Variants in C8orf34 observed in about 807,000 individuals in gnomAD.
C8orf34 encodes uncharacterized protein C8orf34.
In C8orf34, 65 loss-of-function variants were observed where a neutral mutation model predicts 68.3. That is an observed-to-expected ratio of 0.95 (90% CI 0.78 to 1.17). The LOEUF is 1.17. Ranked by LOEUF, C8orf34 falls within the 50% of genes most tolerant of loss-of-function variation. C8orf34 has a pLI of 0.00. For missense variants in C8orf34, 664 were observed against 655.4 expected (o/e 1.01, Z -0.14); for synonymous variants, 244 against 241.2 (o/e 1.01, Z -0.11).
At chr8:68,725,483 G>A (rs1000940844) in intron 10 of C8orf34, among the ~76,000 whole-genome samples, 3 of 152,214 alleles carry the variant, frequency 2.0e-5, no homozygotes, top group Non-Finnish European at 4.4e-5. Context: ...TCCTCCTGGA[G>A]AGTTTTATCT....
At chr8:68,632,948 C>A (rs1267170357) in intron 7 of C8orf34, among the ~76,000 whole-genome samples, 1 of 152,176 alleles carries the variant, frequency 6.6e-6, no homozygotes, top group Non-Finnish European at 1.5e-5. Flanking sequence ...TCAAGGAGAA[C>A]CTCTGCTACA....
chr8:68,505,327 G>C (rs1813960932), intron 5 of C8orf34, among the ~76,000 whole-genome samples: 1 of 152,086 alleles, frequency 6.6e-6, no homozygotes, highest in African/African-American at 2.4e-5. Context: ...ATTATTACTT[G>C]AATTTTGTAT....
chr8:68,641,214 C>T (rs562142795), intron 8 of C8orf34, among the ~76,000 whole-genome samples: 4 of 152,324 alleles, frequency 2.6e-5, no homozygotes, highest in African/African-American at 7.2e-5. Context: ...CCAATTTTAT[C>T]TCCTTTTCTT....
At chr8:68,571,950 CAT>C (rs1325372227) in intron 7 of C8orf34, among the ~76,000 whole-genome samples, 1 of 152,072 alleles carries the variant, frequency 6.6e-6, no homozygotes. Flanking sequence ...ATGCAAATAT[CAT>C]AGAGTGTACT....
intron 7 of C8orf34, among the ~76,000 whole-genome samples, chr8:68,623,715 C>CT (rs932912603): frequency 2.6e-5 from 4 of 151,336 alleles, no homozygotes; most frequent in Non-Finnish European, 4.4e-5. Flanking sequence ...GGACCACTGT[C>CT]TTTTTTTTTA....
rs1820314123 is a variant in C8orf34 at position 68,679,865 on chromosome 8, C to A, written c.1242-29129C>A. ...TTTTCAATAAATGGTGCTGGGAAAA[C>A]TGGATATCTACATTCAGAAGAATGA... is the stretch of plus-strand genomic sequence containing the variant. On this transcript the variant is annotated intron_variant, in intron 8 of 13. Coordinates refer to ENST00000518698, the MANE Select transcript of C8orf34 (RefSeq NM_052958.4). Among the ~76,000 whole-genome samples, 3 of 152,132 alleles carry A rather than the reference C, an allele frequency of 2.0e-5. No individual in the cohort carries two copies. In the South Asian group the frequency reaches 6.2e-4, roughly 32 times the overall value.
chr8:68,560,253 A>G lies in C8orf34; in HGVS notation c.1105+27104A>G, dbSNP rs574352197. Among the ~76,000 whole-genome samples, 4 of 151,464 alleles carry G rather than the reference A, an allele frequency of 2.6e-5. No homozygotes were observed. The East Asian group carries it at 7.8e-4, about 29-fold the overall frequency. On this transcript the variant is annotated intron_variant, in intron 7 of 13. Transcript: ENST00000518698. The stretch of plus-strand genomic sequence containing the variant: ...GAGAGACAGTTCACACACATGCAGT[A>G]GGGAAAGAAGGAGGAGTTTTCATTT...
chr8:68,501,844 A>C (rs1813785404), intron 5 of C8orf34, among the ~76,000 whole-genome samples: 1 of 152,210 alleles, frequency 6.6e-6, no homozygotes, highest in African/African-American at 2.4e-5. Context: ...GTATGCCCAT[A>C]GCCAGAGCTA....
At chr8:68,800,155 A>T (rs1824289418) in intron 12 of C8orf34, among the ~76,000 whole-genome samples, 1 of 152,220 alleles carries the variant, frequency 6.6e-6, no homozygotes, top group Non-Finnish European at 1.5e-5. Flanking sequence ...ACCTTTGCAT[A>T]GGGAAGAACT....
intron 4 of C8orf34, among the ~76,000 whole-genome samples, chr8:68,472,132 T>C (rs1812405471): frequency 6.6e-6 from 1 of 152,122 alleles, no homozygotes; most frequent in Non-Finnish European, 1.5e-5. Flanking sequence ...ATGATATTGC[T>C]CTCTTGGAAA....
intron 8 of C8orf34, among the ~76,000 whole-genome samples, chr8:68,699,078 C>G (rs1259310434): frequency 6.6e-6 from 1 of 151,868 alleles, no homozygotes; most frequent in Admixed American, 6.6e-5. Context: ...AATTCTTGGG[C>G]TCTACTTCAG....
chr8:68,523,977 A>T (rs546131511), intron 6 of C8orf34, among the ~76,000 whole-genome samples: 2 of 152,294 alleles, frequency 1.3e-5, no homozygotes, highest in East Asian at 3.9e-4. Context: ...GTCGTTTGAC[A>T]TCTGTTACAT....
intron 12 of C8orf34, among the ~76,000 whole-genome samples, chr8:68,793,274 C>G (rs1461544894): frequency 1.3e-5 from 2 of 152,172 alleles, no homozygotes; most frequent in African/African-American, 4.8e-5. Flanking sequence ...AAACTACATA[C>G]TTCCAAAAGG....
chr8:68,634,976 G>A (rs1468472028), intron 7 of C8orf34, among the ~76,000 whole-genome samples: 1 of 152,054 alleles, frequency 6.6e-6, no homozygotes, highest in Non-Finnish European at 1.5e-5. Flanking sequence ...AATTCCAGAA[G>A]GCTTCTGACT....
chr8:68,582,551 G>C (rs989716955), intron 7 of C8orf34, among the ~76,000 whole-genome samples: 1 of 152,074 alleles, frequency 6.6e-6, no homozygotes, highest in Non-Finnish European at 1.5e-5. Context: ...ACTTGCTTTA[G>C]GGAAGATTGA....
intron 7 of C8orf34, among the ~76,000 whole-genome samples, chr8:68,619,025 C>A (rs1461276205): frequency 3.3e-5 from 5 of 152,042 alleles, no homozygotes; most frequent in Non-Finnish European, 7.4e-5. Flanking sequence ...GATGTTTGAG[C>A]TGAACTTTAA....
At chr8:68,790,696 G>A (rs1242251891) in intron 12 of C8orf34, 6 of 450,734 alleles carry the variant, frequency 1.3e-5, no homozygotes, top group Non-Finnish European at 2.3e-5. Flanking sequence ...TTGTGTCAGG[G>A]TTGTGTTTCT....
chr8:68,805,943 A>T (rs1294460117), intron 12 of C8orf34, among the ~76,000 whole-genome samples: 1 of 151,174 alleles, frequency 6.6e-6, no homozygotes, highest in Non-Finnish European at 1.5e-5. Flanking sequence ...TTTTGGGATA[A>T]TTTTTTTGTT....
At chr8:68,676,348 A>T (rs1294486358) in intron 8 of C8orf34, among the ~76,000 whole-genome samples, 6 of 152,048 alleles carry the variant, frequency 3.9e-5, no homozygotes, top group South Asian at 2.1e-4. Context: ...GAAAAAAAAA[A>T]TGCACCTAAC....
Sources: gnomAD v4.1 joint callset for allele counts (sites outside exome capture counted in the v4.1 genomes callset) on GRCh38, gnomAD v4.1.1 for gene constraint, MANE v1.5 for transcripts, NCBI Gene and HGNC (gene_info 2026-07-23, HGNC 2026-07-21) for gene names.